ZFAND3: variants seen among roughly 807,000 people sequenced by gnomAD.
The protein encoded by ZFAND3 is zinc finger AN1-type containing 3.
In ZFAND3, 10 loss-of-function variants were observed where a neutral mutation model predicts 29.6. The ratio of observed to expected loss-of-function variants is 0.34; its 90% CI spans 0.21 to 0.57. The LOEUF (loss-of-function observed/expected upper bound fraction) is 0.57. Ranked by LOEUF, ZFAND3 falls within the 20% of genes least tolerant of loss-of-function variation. The pLI is 0.86. For missense variants in ZFAND3, 230 were observed against 304.5 expected (o/e 0.76, Z 1.82); for synonymous variants, 128 against 112.6 (o/e 1.14, Z -0.87).
At chr6:38,091,944 A>G (rs1764882371) in intron 4 of ZFAND3, among the ~76,000 whole-genome samples, 1 of 151,942 alleles carries the variant, frequency 6.6e-6, no homozygotes, top group Non-Finnish European at 1.5e-5. Flanking sequence ...ATGTATGCTG[A>G]TGGGTTTTAC....
intron 2 of ZFAND3, among the ~76,000 whole-genome samples, chr6:37,959,476 ATAGT>A (rs1301919340): frequency 5.3e-5 from 8 of 152,320 alleles, no homozygotes; most frequent in South Asian, 2.1e-4. Context: ...TAAAGTATTA[ATAGT>A]TAGCCTATTC....
intron 1 of ZFAND3, among the ~76,000 whole-genome samples, chr6:37,872,850 T>C (rs1764718682): frequency 1.3e-5 from 2 of 152,258 alleles, no homozygotes; most frequent in African/African-American, 4.8e-5. Flanking sequence ...TTTACGTGTC[T>C]TTTGGTATAC....
At chr6:38,114,427 G>T (rs1021738717) in intron 4 of ZFAND3, among the ~76,000 whole-genome samples, 2 of 152,232 alleles carry the variant, frequency 1.3e-5, no homozygotes, top group Admixed American at 6.5e-5. Flanking sequence ...CACTGACTGG[G>T]CCTGGACAGC....
intron 2 of ZFAND3, among the ~76,000 whole-genome samples, chr6:37,977,623 G>A (rs905546115): frequency 1.3e-5 from 2 of 152,040 alleles, no homozygotes; most frequent in African/African-American, 4.8e-5. Flanking sequence ...GTTGAATAGA[G>A]GTGGTGGGAG....
chr6:37,952,020 T>G (rs1206793726), intron 2 of ZFAND3, among the ~76,000 whole-genome samples: 1 of 152,266 alleles, frequency 6.6e-6, no homozygotes, highest in Admixed American at 6.5e-5. Flanking sequence ...GATTTTTGTA[T>G]GTTGAAACAA....
chr6:37,956,142 T>C (rs1279660565), intron 2 of ZFAND3, among the ~76,000 whole-genome samples: 1 of 152,214 alleles, frequency 6.6e-6, no homozygotes, highest in East Asian at 1.9e-4. Context: ...TCCTTGCACA[T>C]AGCTAGTATT....
At chr6:37,867,554 T>G (rs1269343773) in intron 1 of ZFAND3, among the ~76,000 whole-genome samples, 3 of 152,212 alleles carry the variant, frequency 2.0e-5, no homozygotes, top group Non-Finnish European at 4.4e-5. Context: ...GATTTGAGGT[T>G]GTTGTATGGG....
intron 1 of ZFAND3, among the ~76,000 whole-genome samples, chr6:37,888,598 C>T (rs1189953463): frequency 6.6e-6 from 1 of 152,056 alleles, no homozygotes; most frequent in Non-Finnish European, 1.5e-5. Context: ...TATGATTAGA[C>T]AGGAGACCGA....
chr6:38,128,644 T>G (rs560288305), intron 5 of ZFAND3, among the ~76,000 whole-genome samples: 1 of 151,840 alleles, frequency 6.6e-6, no homozygotes, highest in Non-Finnish European at 1.5e-5. Context: ...TCATCCAGGT[T>G]GCTGCAAATG....
At chr6:37,824,557 A>T (rs1460352146) in intron 1 of ZFAND3, among the ~76,000 whole-genome samples, 2 of 152,244 alleles carry the variant, frequency 1.3e-5, no homozygotes, top group African/African-American at 4.8e-5. Flanking sequence ...AATTGGAGAT[A>T]ATCTCGTGAT....
chr6:38,094,275 A>G (rs1482103294), intron 4 of ZFAND3, among the ~76,000 whole-genome samples: 1 of 152,084 alleles, frequency 6.6e-6, no homozygotes, highest in Non-Finnish European at 1.5e-5. Context: ...AAGTAGTTTA[A>G]GTTTATAGTG....
At chr6:38,063,867 A>T (rs1289314140) in intron 3 of ZFAND3, among the ~76,000 whole-genome samples, 1 of 152,202 alleles carries the variant, frequency 6.6e-6, no homozygotes, top group African/African-American at 2.4e-5. Flanking sequence ...GAAAGGATTA[A>T]ACAGGAATAA....
At position 38,104,738 on chromosome 6, in the gene ZFAND3, TTAA is replaced by T. The variant is rs1245970874; in HGVS notation, c.362-11829_362-11827del. Among the ~76,000 whole-genome samples, 8 of 152,196 alleles carry T rather than the reference TTAA, an allele frequency of 5.3e-5. 1 individual carries two copies. Among genetic ancestry groups the T allele is most frequent in the Admixed American group, 5.2e-4 (8 of 15,274 alleles). The stretch of plus-strand genomic sequence containing the variant: ...TCAGCAGAGATATATCCTAGATAAA[TTAA>T]TAATCATATTTGGACAAGATAATTT... On this transcript the variant is annotated intron_variant, in intron 4 of 5. Transcript: ENST00000287218.
chr6:37,844,509 C>A (rs1387714124), intron 1 of ZFAND3, among the ~76,000 whole-genome samples: 1 of 149,984 alleles, frequency 6.7e-6, no homozygotes, highest in African/African-American at 2.5e-5. Flanking sequence ...TCTTGACCTC[C>A]TGACCTCATG....
intron 1 of ZFAND3, among the ~76,000 whole-genome samples, chr6:37,875,909 G>C (rs570339270): frequency 2.0e-5 from 3 of 151,872 alleles, no homozygotes; most frequent in Admixed American, 1.3e-4. Flanking sequence ...GGGCTCAAGT[G>C]ATTTTCTCTC....
intron 1 of ZFAND3, among the ~76,000 whole-genome samples, chr6:37,853,080 G>A (rs531882845): frequency 1.3e-5 from 2 of 152,204 alleles, no homozygotes; most frequent in East Asian, 1.9e-4. Flanking sequence ...TTTTGATGTG[G>A]CCTGAATATT....
intron 1 of ZFAND3, among the ~76,000 whole-genome samples, chr6:37,873,114 CCA>C (rs1491524305): frequency 5.9e-5 from 9 of 152,060 alleles, no homozygotes; most frequent in Non-Finnish European, 1.3e-4. Flanking sequence ...AAAAAACCCC[CCA>C]AAAAATTAGC....
chr6:38,131,883 G>A (rs1224026749), intron 5 of ZFAND3, among the ~76,000 whole-genome samples: 1 of 152,182 alleles, frequency 6.6e-6, no homozygotes, highest in East Asian at 1.9e-4. Context: ...TTGAAAGCAG[G>A]CCCAACCACA....
chr6:38,104,898 T>A (rs1266329166), intron 4 of ZFAND3, among the ~76,000 whole-genome samples: 1 of 152,176 alleles, frequency 6.6e-6, no homozygotes, highest in Non-Finnish European at 1.5e-5. Context: ...AAGGTACTCT[T>A]ATGGGAAAGC....
Sources: gnomAD v4.1 joint callset for allele counts (sites outside exome capture counted in the v4.1 genomes callset) on GRCh38, gnomAD v4.1.1 for gene constraint, MANE v1.5 for transcripts, NCBI Gene and HGNC (gene_info 2026-07-23, HGNC 2026-07-21) for gene names.